The following NRXN3 variants were observed in gnomAD, a reference collection of about 807,000 sequenced individuals.
NRXN3 encodes the protein neurexin III.
In NRXN3, 32 loss-of-function variants were observed where a neutral mutation model predicts 137.6. The observed-to-expected ratio is 0.23, with a 90% CI of 0.18 to 0.31. NRXN3 has a LOEUF of 0.31. Among genes scored for constraint, NRXN3 ranks in the 10% least tolerant of loss-of-function variants. The pLI, the probability that NRXN3 is intolerant of heterozygous loss-of-function variation, is 1.00. For missense variants in NRXN3, 1,574 were observed against 2,062.5 expected (o/e 0.76, Z 4.59); for synonymous variants, 798 against 784.5 (o/e 1.02, Z -0.29).
intron 19 of NRXN3, among the ~76,000 whole-genome samples, chr14:79,787,825 T>G (rs1226882057): frequency 1.3e-5 from 2 of 152,152 alleles, no homozygotes; most frequent in African/African-American, 4.8e-5. Context: ...AAACCTTCAT[T>G]CTTGAAAAAA....
At chr14:79,135,066 G>A (rs568779284) in intron 15 of NRXN3, among the ~76,000 whole-genome samples, 3 of 152,090 alleles carry the variant, frequency 2.0e-5, no homozygotes, top group African/African-American at 4.8e-5. Context: ...TCTTGTATAT[G>A]TTTAAATAAC....
chr14:78,958,499 G>GTACC (rs2099401428), intron 11 of NRXN3, among the ~76,000 whole-genome samples: 1 of 151,996 alleles, frequency 6.6e-6, no homozygotes, highest in African/African-American at 2.4e-5. Flanking sequence ...GGGACTACAG[G>GTACC]TGCCTGCCAC....
At chr14:79,506,659 G>C (rs1167280813) in intron 16 of NRXN3, among the ~76,000 whole-genome samples, 1 of 152,038 alleles carries the variant, frequency 6.6e-6, no homozygotes, top group African/African-American at 2.4e-5. Context: ...AGGCAGCATT[G>C]AATTTCATTT....
intron 15 of NRXN3, among the ~76,000 whole-genome samples, chr14:79,146,126 C>T (rs1342825107): frequency 1.3e-5 from 2 of 152,114 alleles, no homozygotes; most frequent in Non-Finnish European, 2.9e-5. Context: ...TCCTCATAGC[C>T]TTGTTATGTA....
At chr14:78,957,154 A>T in intron 10 of NRXN3, 88 bp from the exon 11 acceptor site, 1 of 1,383,114 alleles carries the variant, frequency 7.2e-7, no homozygotes. Flanking sequence ...CTGCTGGGTC[A>T]TGTGCACCAG....
At chr14:79,101,201 G>C (rs1439377947) in intron 15 of NRXN3, among the ~76,000 whole-genome samples, 2 of 152,178 alleles carry the variant, frequency 1.3e-5, no homozygotes, top group African/African-American at 4.8e-5. Flanking sequence ...GGCACTCAGG[G>C]CAGTGGTTTT....
chr14:78,464,075 C>T (rs899108551), intron 4 of NRXN3, among the ~76,000 whole-genome samples: 5 of 138,836 alleles, frequency 3.6e-5, no homozygotes, highest in African/African-American at 1.4e-4. Context: ...TTTTTTGAGG[C>T]AGAGTCTGGC....
At chr14:78,521,119 G>A (rs772748019) in intron 4 of NRXN3, among the ~76,000 whole-genome samples, 3 of 152,018 alleles carry the variant, frequency 2.0e-5, no homozygotes, top group Non-Finnish European at 2.9e-5. Flanking sequence ...TAATTTATGG[G>A]GGATCCATTG....
At chr14:79,222,489 A>G (rs1001306266) in intron 15 of NRXN3, among the ~76,000 whole-genome samples, 4 of 152,232 alleles carry the variant, frequency 2.6e-5, no homozygotes, top group Admixed American at 1.3e-4. Context: ...ATGAACACTC[A>G]TGTGTAGATT....
chr14:79,614,163 A>G (rs1365954337), intron 16 of NRXN3, among the ~76,000 whole-genome samples: 1 of 152,236 alleles, frequency 6.6e-6, no homozygotes, highest in Non-Finnish European at 1.5e-5. Flanking sequence ...AGATGCTTCA[A>G]GGCAGTTCAG....
chr14:78,522,111 G>T (rs768528141), intron 4 of NRXN3, among the ~76,000 whole-genome samples: 4 of 152,130 alleles, frequency 2.6e-5, no homozygotes, highest in Non-Finnish European at 5.9e-5. Flanking sequence ...CACTAGAAAA[G>T]CCATAACGAT....
At chr14:78,263,661 C>T (rs1232144511) in intron 2 of NRXN3, among the ~76,000 whole-genome samples, 1 of 152,102 alleles carries the variant, frequency 6.6e-6, no homozygotes, top group Non-Finnish European at 1.5e-5. Flanking sequence ...TTTGATTCAT[C>T]AATCAGTTAT....
intron 19 of NRXN3, among the ~76,000 whole-genome samples, chr14:79,732,048 A>C (rs2098925747): frequency 6.6e-6 from 1 of 152,052 alleles, no homozygotes; most frequent in African/African-American, 2.4e-5. Context: ...AAAGTGAACA[A>C]ATGTGCCATG....
At chr14:78,419,961 G>GCGCACACACA in intron 4 of NRXN3, among the ~76,000 whole-genome samples, 1 of 49,242 alleles carries the variant, frequency 2.0e-5, no homozygotes, top group South Asian at 7.8e-4. Context: ...GCGCGCGCAC[G>GCGCACACACA]CACACACACA....
At chr14:79,000,711 C>T (rs1040654713) in intron 15 of NRXN3, among the ~76,000 whole-genome samples, 5 of 151,958 alleles carry the variant, frequency 3.3e-5, no homozygotes, top group African/African-American at 7.3e-5. Flanking sequence ...GTGGAGGTTG[C>T]GGGAGGTGAG....
At chr14:78,938,077 A>C (rs532945860) in intron 10 of NRXN3, among the ~76,000 whole-genome samples, 1 of 152,246 alleles carries the variant, frequency 6.6e-6, no homozygotes, top group South Asian at 2.1e-4. Flanking sequence ...ATTAATCTTC[A>C]TGGAATTAAA....
At chr14:79,374,335 G>A (rs1049470017) in intron 15 of NRXN3, among the ~76,000 whole-genome samples, 9 of 152,044 alleles carry the variant, frequency 5.9e-5, no homozygotes, top group African/African-American at 1.9e-4. Context: ...GGTCAGAAAC[G>A]CCTCATTACA....
intron 6 of NRXN3, among the ~76,000 whole-genome samples, chr14:78,687,966 T>C (rs1006255484): frequency 2.0e-5 from 3 of 152,198 alleles, no homozygotes; most frequent in South Asian, 2.1e-4. Flanking sequence ...AATGGCATTA[T>C]CCAAGTGCAG....
chr14:79,152,681 T>C (rs749546796), intron 15 of NRXN3, among the ~76,000 whole-genome samples: 1 of 151,958 alleles, frequency 6.6e-6, no homozygotes, highest in Non-Finnish European at 1.5e-5. Context: ...TTGAGACTTA[T>C]TCACTATCAT....
Sources: allele counts gnomAD v4.1 joint callset (sites outside exome capture counted in the v4.1 genomes callset), GRCh38; gene constraint gnomAD v4.1.1; transcripts MANE v1.5; gene names NCBI Gene and HGNC (gene_info 2026-07-23, HGNC 2026-07-21).